The following FHIT variants were observed in gnomAD, a reference collection of about 807,000 sequenced individuals.
FHIT encodes the protein bis(5'-adenosyl)-triphosphatase.
FHIT carries 19 observed loss-of-function variants against 17.9 expected under a neutral mutation model. The ratio of observed to expected loss-of-function variants is 1.06; its 90% CI spans 0.74 to 1.56. FHIT has a LOEUF of 1.56. Among genes scored for constraint, FHIT ranks in the 40% most tolerant of loss-of-function variants. The pLI is 0.00. For missense variants in FHIT, 248 were observed against 189.2 expected, an observed-to-expected ratio of 1.31 and a Z score of -1.82; for synonymous variants, 81 against 69.7, an observed-to-expected ratio of 1.16 and a Z score of -0.81.
intron 4 of FHIT, among the ~76,000 whole-genome samples, chr3:60,631,073 G>T (rs782209928): frequency 6.6e-6 from 1 of 151,892 alleles, no homozygotes; most frequent in African/African-American, 2.4e-5. Flanking sequence ...AGATAACTTT[G>T]AAGATTTTAT....
At chr3:60,376,958 G>T (rs1238667329) in intron 5 of FHIT, among the ~76,000 whole-genome samples, 1 of 152,098 alleles carries the variant, frequency 6.6e-6, no homozygotes, top group African/African-American at 2.4e-5. Context: ...TCATTGTTTG[G>T]CTGATTTGTT....
chr3:60,191,272 CAT>C (rs368083453), intron 5 of FHIT, among the ~76,000 whole-genome samples: 123 of 152,226 alleles, frequency 8.1e-4, no homozygotes, highest in African/African-American at 2.5e-3. Context: ...TGCTTAAACA[CAT>C]GTTTTATTAA....
At chr3:60,443,813 A>G (rs1205702692) in intron 5 of FHIT, among the ~76,000 whole-genome samples, 2 of 152,164 alleles carry the variant, frequency 1.3e-5, no homozygotes, top group African/African-American at 4.8e-5. Context: ...CACCAAAAGC[A>G]ATGGCAACAA....
chr3:60,414,187 G>A (rs752559464), intron 5 of FHIT, among the ~76,000 whole-genome samples: 1 of 152,122 alleles, frequency 6.6e-6, no homozygotes, highest in Non-Finnish European at 1.5e-5. Flanking sequence ...CACATGGAGG[G>A]CTTGTTAAAC....
At chr3:60,067,764 C>T (rs1023007885) in intron 5 of FHIT, among the ~76,000 whole-genome samples, 1 of 152,122 alleles carries the variant, frequency 6.6e-6, no homozygotes, top group Non-Finnish European at 1.5e-5. Context: ...CATTAAATAC[C>T]CAGTGAGAGC....
chr3:59,907,952 A>G (rs1704664637), intron 8 of FHIT, among the ~76,000 whole-genome samples: 2 of 152,210 alleles, frequency 1.3e-5, no homozygotes, highest in Admixed American at 1.3e-4. Flanking sequence ...CTCATATTGC[A>G]TCACTCTGAC....
At chr3:60,709,206 C>G (rs564704815) in intron 4 of FHIT, among the ~76,000 whole-genome samples, 1 of 152,140 alleles carries the variant, frequency 6.6e-6, no homozygotes, top group South Asian at 2.1e-4. Context: ...CAGTAATAAC[C>G]AATTACATGT....
At chr3:60,346,804 A>C (rs1227272603) in intron 5 of FHIT, among the ~76,000 whole-genome samples, 1 of 152,216 alleles carries the variant, frequency 6.6e-6, no homozygotes, top group African/African-American at 2.4e-5. Flanking sequence ...ATTCAAGTCC[A>C]TAATGAAGTC....
chr3:60,011,550 G>C, intron 6 of FHIT, 150 bp from the exon 7 acceptor site: 3 of 677,054 alleles, frequency 4.4e-6, no homozygotes, highest in South Asian at 3.7e-5. Context: ...CAAATGTGCG[G>C]GATTAGACAG....
At chr3:60,358,447 T>C (rs1699765527) in intron 5 of FHIT, among the ~76,000 whole-genome samples, 1 of 152,202 alleles carries the variant, frequency 6.6e-6, no homozygotes, top group Non-Finnish European at 1.5e-5. Flanking sequence ...AAAACCACTC[T>C]ATTCCTTCTG....
At chr3:60,067,666 A>G (rs1702576715) in intron 5 of FHIT, among the ~76,000 whole-genome samples, 1 of 152,166 alleles carries the variant, frequency 6.6e-6, no homozygotes, top group Non-Finnish European at 1.5e-5. Context: ...TCACTTCTAC[A>G]GCAACTCATC....
chr3:59,784,488 T>A (rs572283435), intron 8 of FHIT, among the ~76,000 whole-genome samples: 1 of 152,214 alleles, frequency 6.6e-6, no homozygotes, highest in Non-Finnish European at 1.5e-5. Context: ...TGTTATTTCA[T>A]TACTTACAAC....
chr3:59,956,396 A>G (rs1707399786), intron 7 of FHIT, among the ~76,000 whole-genome samples: 1 of 152,180 alleles, frequency 6.6e-6, no homozygotes, highest in Non-Finnish European at 1.5e-5. Context: ...AAGGCCGGGC[A>G]TGGTGGCTCA....
chr3:60,469,739 G>A (rs1200752229), intron 5 of FHIT, among the ~76,000 whole-genome samples: 2 of 152,104 alleles, frequency 1.3e-5, no homozygotes, highest in Non-Finnish European at 2.9e-5. Flanking sequence ...TGAAGAGTTA[G>A]GTATTCACTG....
chr3:60,354,592 G>A (rs1699564908), intron 5 of FHIT, among the ~76,000 whole-genome samples: 1 of 152,050 alleles, frequency 6.6e-6, no homozygotes, highest in South Asian at 2.1e-4. Context: ...AAAAGCAAAG[G>A]TTCAAATATT....
intron 5 of FHIT, among the ~76,000 whole-genome samples, chr3:60,422,106 C>G (rs1380202208): frequency 6.6e-6 from 1 of 152,270 alleles, no homozygotes; most frequent in South Asian, 2.1e-4. Context: ...TTTTGTCCAT[C>G]AAAATCTCAG....
chr3:60,026,034 A>C (rs1700729457), intron 5 of FHIT, among the ~76,000 whole-genome samples: 1 of 152,170 alleles, frequency 6.6e-6, no homozygotes, highest in Admixed American at 6.5e-5. Context: ...GGGAAAGAAA[A>C]GTTCTTTCCA....
intron 8 of FHIT, among the ~76,000 whole-genome samples, chr3:59,853,157 CT>C (rs1702010876): frequency 6.6e-6 from 1 of 152,174 alleles, no homozygotes; most frequent in African/African-American, 2.4e-5. Flanking sequence ...ATGAGAGTTC[CT>C]GTTGCTTCAC....
At chr3:61,148,514 A>G (rs557214672) in intron 2 of FHIT, among the ~76,000 whole-genome samples, 1 of 152,236 alleles carries the variant, frequency 6.6e-6, no homozygotes, top group Admixed American at 6.5e-5. Context: ...AGATGCATCC[A>G]TATTGTATAT....
Sources: gnomAD v4.1 joint callset for allele counts (sites outside exome capture counted in the v4.1 genomes callset) on GRCh38, gnomAD v4.1.1 for gene constraint, MANE v1.5 for transcripts, NCBI Gene and HGNC (gene_info 2026-07-23, HGNC 2026-07-21) for gene names.